ENPP6: variants seen among roughly 807,000 people sequenced by gnomAD.
ENPP6 encodes glycerophosphocholine cholinephosphodiesterase ENPP6.
Under a neutral mutation model 42.0 loss-of-function variants are expected in ENPP6, and 32 were observed. The observed-to-expected ratio is 0.76, with a 90% CI of 0.58 to 1.02. The LOEUF is 1.02. ENPP6 is among the 50% of genes least tolerant of loss of function. The probability of loss-of-function intolerance (pLI) is 0.00; values close to 1 mark genes in which losing one functional copy is unlikely to be tolerated. For missense variants in ENPP6, 552 were observed against 566.8 expected, an observed-to-expected ratio of 0.97 and a Z score of 0.27; for synonymous variants, 213 against 216.0, an observed-to-expected ratio of 0.99 and a Z score of 0.12.
intron 6 of ENPP6, among the ~76,000 whole-genome samples, chr4:184,106,446 T>G (rs1736094834): frequency 6.6e-6 from 1 of 152,198 alleles, no homozygotes; most frequent in African/African-American, 2.4e-5. Flanking sequence ...CTCCCCACAC[T>G]TGGCCACCTG....
At chr4:184,118,496 T>C (rs1736363115) in intron 3 of ENPP6, among the ~76,000 whole-genome samples, 1 of 152,238 alleles carries the variant, frequency 6.6e-6, no homozygotes, top group Non-Finnish European at 1.5e-5. Context: ...CCATTATGTG[T>C]GGCAATTTAC....
At chr4:184,197,538 C>T (rs1031523703) in intron 1 of ENPP6, among the ~76,000 whole-genome samples, 2 of 152,206 alleles carry the variant, frequency 1.3e-5, no homozygotes, top group Non-Finnish European at 2.9e-5. Flanking sequence ...TGGAAACCTG[C>T]ACTTGGTGTG....
At chr4:184,199,369 C>T (rs1304215155) in intron 1 of ENPP6, among the ~76,000 whole-genome samples, 1 of 152,208 alleles carries the variant, frequency 6.6e-6, no homozygotes, top group Non-Finnish European at 1.5e-5. Context: ...GGCCCATGGT[C>T]TGCTAGTGAG....
chr4:184,175,942 T>C (rs1737555372), intron 1 of ENPP6, among the ~76,000 whole-genome samples: 1 of 151,130 alleles, frequency 6.6e-6, no homozygotes, highest in African/African-American at 2.4e-5. Context: ...TAAAAAATAG[T>C]ACAAAATAAT....
intron 1 of ENPP6, among the ~76,000 whole-genome samples, chr4:184,211,768 A>G (rs537787889): frequency 4.6e-5 from 7 of 151,332 alleles, no homozygotes; most frequent in South Asian, 2.1e-4. Flanking sequence ...TACCAAAGCC[A>G]GGCAGAGACA....
intron 6 of ENPP6, among the ~76,000 whole-genome samples, chr4:184,108,610 A>T (rs1224492105): frequency 6.6e-6 from 1 of 152,276 alleles, no homozygotes; most frequent in Non-Finnish European, 1.5e-5. Flanking sequence ...CCCCAATGTT[A>T]TATTAAAGTA....
At chr4:184,144,331 G>A (rs1736882188) in intron 2 of ENPP6, among the ~76,000 whole-genome samples, 1 of 152,186 alleles carries the variant, frequency 6.6e-6, no homozygotes, top group East Asian at 1.9e-4. Flanking sequence ...CAGCTGGGAA[G>A]GCCAGCAGGA....
At chr4:184,160,566 AGT>A (rs1471719500) in intron 1 of ENPP6, among the ~76,000 whole-genome samples, 1 of 152,202 alleles carries the variant, frequency 6.6e-6, no homozygotes. Flanking sequence ...CAAAGCAGAG[AGT>A]GTGTGTGCAT....
intron 5 of ENPP6, among the ~76,000 whole-genome samples, chr4:184,113,932 T>TTTC: frequency 1.4e-5 from 2 of 143,140 alleles, no homozygotes; most frequent in Middle Eastern, 3.5e-3. Flanking sequence ...TCTTTCTTTC[T>TTTC]TTCTTTCTTT....
At chr4:184,153,839 A>C (rs1427754606) in intron 1 of ENPP6, 106 bp from the exon 2 acceptor site, 1 of 1,282,470 alleles carries the variant, frequency 7.8e-7, no homozygotes, top group East Asian at 2.5e-5. Flanking sequence ...GGAAGTACAG[A>C]ACAGCATAAA....
At chr4:184,208,687 T>A (rs901434066) in intron 1 of ENPP6, among the ~76,000 whole-genome samples, 1 of 148,608 alleles carries the variant, frequency 6.7e-6, no homozygotes, top group Admixed American at 6.7e-5. Flanking sequence ...TTGCCCAGGC[T>A]TGCTTAGGTA....
intron 1 of ENPP6, among the ~76,000 whole-genome samples, chr4:184,178,029 C>T (rs766901059): frequency 1.3e-5 from 2 of 152,108 alleles, no homozygotes; most frequent in Non-Finnish European, 2.9e-5. Flanking sequence ...GATGGATGAA[C>T]TGATAGAAGT....
chr4:184,175,334 T>C (rs908447184), intron 1 of ENPP6, among the ~76,000 whole-genome samples: 3 of 152,152 alleles, frequency 2.0e-5, no homozygotes, highest in Non-Finnish European at 4.4e-5. Context: ...AATCACATGA[T>C]TTTTTCCCTC....
intron 2 of ENPP6, among the ~76,000 whole-genome samples, chr4:184,127,683 G>T (rs1035865003): frequency 6.6e-6 from 1 of 152,170 alleles, no homozygotes; most frequent in African/African-American, 2.4e-5. Context: ...CTTGAACCTG[G>T]TGGGTGGAGG....
At chr4:184,206,390 T>G (rs1193683667) in intron 1 of ENPP6, among the ~76,000 whole-genome samples, 1 of 107,700 alleles carries the variant, frequency 9.3e-6, no homozygotes, top group Non-Finnish European at 1.9e-5. Flanking sequence ...CCCGAGTAGC[T>G]GGGACTACAG....
Position 184,208,811 on chromosome 4 carries a change from C to A in ENPP6, c.241+8768G>T, listed in dbSNP as rs1362620467. Among the ~76,000 whole-genome samples the A allele has an allele frequency of 7.0e-5, 10 of 142,960 alleles. 1 individual carries two copies. Among genetic ancestry groups the A allele is most frequent in the Non-Finnish European group, 1.3e-4 (8 of 63,874 alleles). The allele number at this position is 142,960 out of a possible 152,430, so 93.8% of individuals were successfully genotyped here. The stretch of plus-strand genomic sequence containing the variant: ...AGGGCACAGACAAACAAAAAGACAG[C>A]AGTAACCTCTGCAGACTTAAATGTC... On this transcript the variant is annotated intron_variant, in intron 1 of 7. Coordinates refer to ENST00000296741, the MANE Select transcript of ENPP6 (RefSeq NM_153343.4).
At chr4:184,127,190 T>C (rs977432485) in intron 2 of ENPP6, among the ~76,000 whole-genome samples, 2 of 152,050 alleles carry the variant, frequency 1.3e-5, no homozygotes, top group South Asian at 2.1e-4. Flanking sequence ...TGTGGACAAA[T>C]GGCATTATAT....
intron 1 of ENPP6, among the ~76,000 whole-genome samples, chr4:184,175,156 A>G (rs557542168): frequency 1.3e-3 from 190 of 151,962 alleles, no homozygotes; most frequent in African/African-American, 4.1e-3. Context: ...CCTCACCTCC[A>G]GGTCCATCTC....
At chr4:184,124,068 A>T in intron 3 of ENPP6, 93 bp downstream of exon 3, 1 of 948,460 alleles carries the variant, frequency 1.1e-6, no homozygotes. Flanking sequence ...ACATTATTTC[A>T]TCTCCACAAA....
Sources: allele counts gnomAD v4.1 joint callset (sites outside exome capture counted in the v4.1 genomes callset), GRCh38; gene constraint gnomAD v4.1.1; transcripts MANE v1.5; gene names NCBI Gene and HGNC (gene_info 2026-07-23, HGNC 2026-07-21).